GALNTL6: variants seen among roughly 807,000 people sequenced by gnomAD.
GALNTL6 encodes the protein polypeptide N-acetylgalactosaminyltransferase like 6, also known as polypeptide N-acetylgalactosaminyltransferase-like 6.
GALNTL6 carries 46 observed loss-of-function variants against 73.7 expected under a neutral mutation model. That is an observed-to-expected ratio of 0.62 (90% CI 0.49 to 0.80). The LOEUF is 0.80. Ranked by LOEUF, GALNTL6 falls within the 30% of genes least tolerant of loss-of-function variation. The probability of loss-of-function intolerance (pLI) is 0.00; values close to 1 mark genes in which losing one functional copy is unlikely to be tolerated. For missense variants in GALNTL6, 604 were observed against 755.0 expected, an observed-to-expected ratio of 0.80 and a Z score of 2.34; for synonymous variants, 259 against 263.7, an observed-to-expected ratio of 0.98 and a Z score of 0.17.
chr4:172,731,876 G>A (rs1736170184), intron 5 of GALNTL6, among the ~76,000 whole-genome samples: 1 of 151,810 alleles, frequency 6.6e-6, no homozygotes, highest in African/African-American at 2.4e-5. Context: ...TTTATTTCTA[G>A]TTGTATTTCA....
At chr4:172,890,385 C>T (rs879730166) in intron 8 of GALNTL6, among the ~76,000 whole-genome samples, 2 of 151,994 alleles carry the variant, frequency 1.3e-5, no homozygotes, top group Non-Finnish European at 2.9e-5. Context: ...TATAAGCTTT[C>T]TTTTTAATAC....
intron 2 of GALNTL6, among the ~76,000 whole-genome samples, chr4:172,185,953 A>G (rs909282496): frequency 6.6e-5 from 10 of 152,336 alleles, no homozygotes; most frequent in African/African-American, 1.9e-4. Flanking sequence ...GAAGGAAGGA[A>G]TAAAATACTT....
intron 2 of GALNTL6, among the ~76,000 whole-genome samples, chr4:172,176,332 C>A (rs774068402): frequency 8.4e-4 from 1 of 1,188 alleles, no homozygotes; most frequent in Non-Finnish European, 8.1e-3. Flanking sequence ...AGCGAGACTC[C>A]GTCTCAAAAA....
intron 5 of GALNTL6, among the ~76,000 whole-genome samples, chr4:172,605,313 C>G (rs904238718): frequency 6.6e-6 from 1 of 152,022 alleles, no homozygotes; most frequent in Non-Finnish European, 1.5e-5. Flanking sequence ...ACATCAATAC[C>G]CAAAAATCTT....
intron 5 of GALNTL6, among the ~76,000 whole-genome samples, chr4:172,731,226 C>G (rs1736132356): frequency 6.6e-6 from 1 of 152,036 alleles, no homozygotes; most frequent in Non-Finnish European, 1.5e-5. Context: ...GATCTAATTA[C>G]TCATTTTTTG....
intron 5 of GALNTL6, among the ~76,000 whole-genome samples, chr4:172,774,256 A>G (rs1480881540): frequency 6.6e-6 from 1 of 152,190 alleles, no homozygotes; most frequent in Admixed American, 6.5e-5. Context: ...TTTTGAGAAG[A>G]CGTTCTGTGT....
chr4:172,063,641 T>C (rs1457625364), intron 2 of GALNTL6, among the ~76,000 whole-genome samples: 1 of 152,192 alleles, frequency 6.6e-6, no homozygotes, highest in Non-Finnish European at 1.5e-5. Context: ...AGGTCCCATC[T>C]CCTCAAATTA....
chr4:172,425,346 T>C (rs1016259166), intron 5 of GALNTL6: 1 of 152,090 alleles, frequency 6.6e-6, no homozygotes, highest in African/African-American at 2.4e-5. Context: ...TTAAAAGTCA[T>C]AAATTTCTTC....
At chr4:172,026,336 T>C (rs192702279) in intron 2 of GALNTL6, among the ~76,000 whole-genome samples, 1 of 152,186 alleles carries the variant, frequency 6.6e-6, no homozygotes, top group Non-Finnish European at 1.5e-5. Flanking sequence ...CCTCTTACTT[T>C]GATGTCATCA....
At chr4:172,362,621 A>G (rs1477494201) in intron 5 of GALNTL6, among the ~76,000 whole-genome samples, 1 of 152,076 alleles carries the variant, frequency 6.6e-6, no homozygotes, top group Non-Finnish European at 1.5e-5. Flanking sequence ...ATTCTGTACA[A>G]CTAAACTCTT....
chr4:171,954,473 T>C (rs1252827095), intron 2 of GALNTL6, among the ~76,000 whole-genome samples: 1 of 152,160 alleles, frequency 6.6e-6, no homozygotes. Context: ...CAACAAATAC[T>C]GCAAATTACG....
chr4:172,373,600 C>T (rs1742907035), intron 5 of GALNTL6, among the ~76,000 whole-genome samples: 1 of 152,098 alleles, frequency 6.6e-6, no homozygotes, highest in South Asian at 2.1e-4. Context: ...ACTGGGTGGG[C>T]ATTTTTTGCC....
intron 8 of GALNTL6, among the ~76,000 whole-genome samples, chr4:172,890,628 G>A (rs1745980782): frequency 6.6e-6 from 1 of 152,172 alleles, no homozygotes; most frequent in Non-Finnish European, 1.5e-5. Context: ...GTTGAGGTTA[G>A]TGTATGTTCC....
chr4:172,986,990 T>A (rs1751316295), intron 10 of GALNTL6, among the ~76,000 whole-genome samples: 1 of 152,200 alleles, frequency 6.6e-6, no homozygotes, highest in African/African-American at 2.4e-5. Flanking sequence ...AGAACATATT[T>A]TTTTAATTAA....
intron 2 of GALNTL6, among the ~76,000 whole-genome samples, chr4:172,218,168 T>A (rs1736554748): frequency 6.6e-6 from 1 of 152,126 alleles, no homozygotes; most frequent in South Asian, 2.1e-4. Context: ...AAGTTTCCTC[T>A]CTTTGCCCAT....
chr4:172,891,099 T>C (rs1456665149), intron 8 of GALNTL6, among the ~76,000 whole-genome samples: 1 of 151,010 alleles, frequency 6.6e-6, no homozygotes, highest in Non-Finnish European at 1.5e-5. Context: ...ATTGGTCTCT[T>C]GAAGACAGCA....
intron 8 of GALNTL6, among the ~76,000 whole-genome samples, chr4:172,917,455 A>G (rs1039303360): frequency 3.9e-5 from 6 of 152,226 alleles, no homozygotes; most frequent in Admixed American, 6.5e-5. Context: ...ATCAAAGTGA[A>G]CAGGCAACAT....
intron 5 of GALNTL6, among the ~76,000 whole-genome samples, chr4:172,677,287 G>A (rs1732357584): frequency 6.6e-6 from 1 of 152,198 alleles, no homozygotes; most frequent in East Asian, 1.9e-4. Context: ...ATTTTAATAA[G>A]TGGAAATGTG....
At chr4:172,444,219 A>G (rs563982171) in intron 5 of GALNTL6, among the ~76,000 whole-genome samples, 13 of 152,232 alleles carry the variant, frequency 8.5e-5, no homozygotes, top group Non-Finnish European at 1.5e-4. Context: ...ATGACTTCTC[A>G]GTTCAAACCA....
Sources: allele counts gnomAD v4.1 joint callset (sites outside exome capture counted in the v4.1 genomes callset), GRCh38; gene constraint gnomAD v4.1.1; transcripts MANE v1.5; gene names NCBI Gene and HGNC (gene_info 2026-07-23, HGNC 2026-07-21).